EP300: variants seen among roughly 807,000 people sequenced by gnomAD.
EP300 encodes the protein EP300 lysine acetyltransferase, also known as histone acetyltransferase p300.
In EP300, 31 loss-of-function variants were observed where a neutral mutation model predicts 264.0. The ratio of observed to expected loss-of-function variants is 0.12; its 90% CI spans 0.09 to 0.16. The LOEUF is 0.16. Among genes scored for constraint, EP300 ranks in the 10% least tolerant of loss-of-function variants. EP300 has a pLI of 1.00. For missense variants in EP300, 2,766 were observed against 3,052.9 expected (o/e 0.91, Z 2.21); for synonymous variants, 1,340 against 1,045.4 (o/e 1.28, Z -5.44).
At chr22:41,115,342 C>T (rs1377755406) in intron 1 of EP300, among the ~76,000 whole-genome samples, 1 of 152,134 alleles carries the variant, frequency 6.6e-6, no homozygotes, top group African/African-American at 2.4e-5. Flanking sequence ...GACAATCACC[C>T]TCCACCCACA....
At chr22:41,152,977 C>T (rs1368420862) in intron 16 of EP300, among the ~76,000 whole-genome samples, 4 of 152,204 alleles carry the variant, frequency 2.6e-5, no homozygotes, top group East Asian at 1.9e-4. Flanking sequence ...AGGATGGTCT[C>T]GATCTCTTGA....
At chr22:41,155,956 A>G (rs1342943732) in intron 17 of EP300, among the ~76,000 whole-genome samples, 1 of 151,958 alleles carries the variant, frequency 6.6e-6, no homozygotes, top group Non-Finnish European at 1.5e-5. Context: ...CTTGGTATTT[A>G]CCTAGGAGTG....
intron 7 of EP300, among the ~76,000 whole-genome samples, 196 bp from the exon 8 acceptor site, chr22:41,137,457 A>G (rs780410450): frequency 6.6e-6 from 1 of 152,080 alleles, no homozygotes; most frequent in African/African-American, 2.4e-5. Context: ...AAGAAATACA[A>G]CTTACCCTCA....
intron 1 of EP300, among the ~76,000 whole-genome samples, chr22:41,103,187 T>C (rs1038073571): frequency 2.0e-5 from 3 of 152,056 alleles, no homozygotes; most frequent in African/African-American, 7.2e-5. Flanking sequence ...ATAGGAAGCA[T>C]AGTATTTGTG....
intron 14 of EP300, among the ~76,000 whole-genome samples, chr22:41,150,935 A>G (rs2059040815): frequency 6.6e-6 from 1 of 152,130 alleles, no homozygotes; most frequent in African/African-American, 2.4e-5. Context: ...TTGTGGCCCA[A>G]ACCAAAGTTT....
At chr22:41,124,192 C>T (rs1569094080) in intron 2 of EP300, among the ~76,000 whole-genome samples, 1 of 152,214 alleles carries the variant, frequency 6.6e-6, no homozygotes, top group Non-Finnish European at 1.5e-5. Flanking sequence ...TTGCAGTGAG[C>T]CGAAATTGCA....
rs2059231849 is a variant in EP300, at chr22:41,179,876, C to CACACACA, written c.*920_*921insACACACA. 5 of 131,172 alleles carry CACACACA rather than the reference C, an allele frequency of 3.8e-5. No individual in the cohort carries two copies. Among genetic ancestry groups the CACACACA allele is most frequent in the African/African-American group, 1.8e-4 (5 of 27,930 alleles). 8.1% of individuals were successfully genotyped at this position (131,172 alleles called of 1,614,324 possible). A position where few individuals can be genotyped will look rare whatever the true frequency, so the allele number is the denominator to read the frequency against. ...GCTTTCTTCCTCCTTACCCTACCCC[C>CACACACA]CACTCACACACACACACACACACAC... On this transcript the variant is annotated 3_prime_UTR_variant, in exon 31 of 31. Transcript: ENST00000263253.
At chr22:41,141,665 C>CTTTT (rs77123676) in intron 10 of EP300, among the ~76,000 whole-genome samples, 2 of 146,122 alleles carry the variant, frequency 1.4e-5, no homozygotes, top group Non-Finnish European at 3.0e-5. Flanking sequence ...TCTAGGAACT[C>CTTTT]TTTTTTTTTT....
chr22:41,153,919 C>T (rs546575932), intron 16 of EP300, among the ~76,000 whole-genome samples: 28 of 152,030 alleles, frequency 1.8e-4, no homozygotes, highest in East Asian at 9.7e-4. Context: ...TATACTCTAC[C>T]GATGATGAAA....
rs886057555 is a variant in EP300, at chr22:41,117,818, T to A, written c.726T>A (p.Leu242=). ...CAGGATTGAGAGGCCCCCAGCCTCT[T>A]AAGGTAAGTACAGTTTTGGTTTGTG... ...GQTGLRGPQP[L]KMGMMNNPNP... Residue 242 remains leucine (L), a synonymous_variant, in exon 2 of 31, where the codon CTT becomes CTA. Transcript: ENST00000263253. The A allele has an allele frequency of 9.3e-6, 15 of 1,613,752 alleles. No homozygotes were observed. The highest frequency in any genetic ancestry group is 1.3e-5 in the African/African-American group (1 of 74,922).
chr22:41,162,648 TTCCTTTGGTTAGAACAGCAG>T (rs1319517185), intron 20 of EP300, 55 bp from the exon 21 acceptor site: 2 of 1,189,600 alleles, frequency 1.7e-6, no homozygotes, highest in Non-Finnish European at 2.5e-6. Context: ...GTGAAGTTTG[TTCCTTTGGTTAGAACAGCAG>T]TCAGATTGCT....
At chr22:41,121,751 T>C (rs80150591) in intron 2 of EP300, among the ~76,000 whole-genome samples, 2,183 of 152,262 alleles carry the variant, frequency 0.014, 46 homozygotes, top group African/African-American at 0.05. Flanking sequence ...ATAAAGACAT[T>C]ACATTTATTA....
At position 41,176,118 on chromosome 22, in the gene EP300, G is replaced by T. The variant is rs144989803; in HGVS notation, c.4780-129G>T. On this transcript the variant is annotated intron_variant, in intron 29 of 30. Transcript: ENST00000263253. ...GCCTGTGGTCTCAGCTATTCAGGAG[G>T]CCATGGTGGGATAATTGCTTGAGCC... 1.5e-3 allele frequency: 1,591 copies of T among 1,039,600 alleles called. 13 individuals are homozygous for T. In the African/African-American group the frequency reaches 0.022, roughly 14 times the overall value. 64.4% of individuals were successfully genotyped at this position (1,039,600 alleles called of 1,614,324 possible).
At chr22:41,111,339 C>T (rs887513375) in intron 1 of EP300, among the ~76,000 whole-genome samples, 1 of 152,114 alleles carries the variant, frequency 6.6e-6, no homozygotes. Context: ...CACTTTGATA[C>T]GTTTATATTT....
chr22:41,095,976 A>C (rs2058699896), intron 1 of EP300, among the ~76,000 whole-genome samples: 1 of 152,218 alleles, frequency 6.6e-6, no homozygotes, highest in African/African-American at 2.4e-5. Flanking sequence ...GGTTGATTCA[A>C]ATAACTTAGG....
At chr22:41,100,604 T>C (rs2058726426) in intron 1 of EP300, among the ~76,000 whole-genome samples, 1 of 152,214 alleles carries the variant, frequency 6.6e-6, no homozygotes, top group Non-Finnish European at 1.5e-5. Flanking sequence ...GACTTTATTT[T>C]CTTGTCATTA....
chr22:41,110,117 G>GCC (rs60023863), intron 1 of EP300, among the ~76,000 whole-genome samples: 6,142 of 65,496 alleles, frequency 0.094, 979 homozygotes, highest in Admixed American at 0.22. Context: ...CCTGTTCCCT[G>GCC]CCCCCCCCCC....
intron 8 of EP300, among the ~76,000 whole-genome samples, chr22:41,139,525 C>T (rs1048356805): frequency 2.6e-5 from 4 of 152,076 alleles, no homozygotes; most frequent in African/African-American, 9.7e-5. Flanking sequence ...CCTTCAAGTC[C>T]TATGCAACTG....
intron 1 of EP300, among the ~76,000 whole-genome samples, chr22:41,094,460 G>C (rs761342883): frequency 3.3e-5 from 5 of 152,208 alleles, no homozygotes; most frequent in Non-Finnish European, 4.4e-5. Flanking sequence ...TGCAAAAATT[G>C]AGAAGTAGGA....
Sources: allele counts gnomAD v4.1 joint callset (sites outside exome capture counted in the v4.1 genomes callset), GRCh38; gene constraint gnomAD v4.1.1; transcripts MANE v1.5; gene names NCBI Gene and HGNC (gene_info 2026-07-23, HGNC 2026-07-21).